PITPNC1: variants seen among roughly 807,000 people sequenced by gnomAD.
The protein encoded by PITPNC1 is phosphatidylinositol transfer protein cytoplasmic 1.
A neutral mutation model predicts 44.7 loss-of-function variants in PITPNC1; 18 were observed. The ratio of observed to expected loss-of-function variants is 0.40; its 90% CI spans 0.28 to 0.60. The LOEUF is 0.60. Among genes scored for constraint, PITPNC1 ranks in the 20% least tolerant of loss-of-function variants. The probability of loss-of-function intolerance (pLI) is 0.39; values close to 1 mark genes in which losing one functional copy is unlikely to be tolerated. For missense variants in PITPNC1, 290 were observed against 418.4 expected (o/e 0.69, Z 2.68); for synonymous variants, 141 against 149.6 (o/e 0.94, Z 0.42).
At chr17:67,598,285 CAG>C (rs2041485982) in intron 5 of PITPNC1, among the ~76,000 whole-genome samples, 1 of 152,146 alleles carries the variant, frequency 6.6e-6, no homozygotes, top group South Asian at 2.1e-4. Flanking sequence ...ATTAGGAAGA[CAG>C]AGAGAGATTG....
chr17:67,638,793 T>C (rs921953256), intron 6 of PITPNC1: 1 of 151,940 alleles, frequency 6.6e-6, no homozygotes, highest in Non-Finnish European at 1.5e-5. Context: ...ATCCAGTCGG[T>C]AGAGGTCAGG....
chr17:67,399,381 T>C (rs1298595862), intron 1 of PITPNC1, among the ~76,000 whole-genome samples: 1 of 152,198 alleles, frequency 6.6e-6, no homozygotes, highest in African/African-American at 2.4e-5. Flanking sequence ...ACTAGCTTCA[T>C]CTTCAAGGCT....
At chr17:67,645,343 G>GAAA (rs57827214) in intron 6 of PITPNC1, among the ~76,000 whole-genome samples, 17 of 81,288 alleles carry the variant, frequency 2.1e-4, no homozygotes, top group African/African-American at 3.2e-4. Context: ...CTCCATCTCA[G>GAAA]AAAAAAAAAA....
chr17:67,385,952 G>A (rs1252389414), intron 1 of PITPNC1, among the ~76,000 whole-genome samples: 1 of 152,122 alleles, frequency 6.6e-6, no homozygotes, highest in Non-Finnish European at 1.5e-5. Context: ...CAGGGATCAG[G>A]GAAGCAAACT....
At chr17:67,452,830 C>T (rs1180549658) in intron 1 of PITPNC1, among the ~76,000 whole-genome samples, 2 of 152,170 alleles carry the variant, frequency 1.3e-5, no homozygotes, top group Non-Finnish European at 2.9e-5. Flanking sequence ...AAAGAAATTG[C>T]CAGGCTGTTT....
chr17:67,534,402 C>G (rs1379832455), intron 2 of PITPNC1, among the ~76,000 whole-genome samples: 1 of 152,004 alleles, frequency 6.6e-6, no homozygotes, highest in Non-Finnish European at 1.5e-5. Flanking sequence ...CTTTGGGAGG[C>G]TGAAGGTGGT....
chr17:67,527,023 C>A (rs1430196269), intron 1 of PITPNC1, among the ~76,000 whole-genome samples: 2 of 151,982 alleles, frequency 1.3e-5, no homozygotes, highest in Non-Finnish European at 2.9e-5. Flanking sequence ...TGATGATTAC[C>A]CAAACTCTGG....
intron 1 of PITPNC1, among the ~76,000 whole-genome samples, chr17:67,381,055 C>T (rs1416628939): frequency 1.3e-5 from 2 of 152,086 alleles, no homozygotes; most frequent in African/African-American, 2.4e-5. Context: ...TTGCCGGGTG[C>T]GGTGGCTCAC....
At chr17:67,431,063 T>TTTC (rs1345170163) in intron 1 of PITPNC1, among the ~76,000 whole-genome samples, 3 of 17,042 alleles carry the variant, frequency 1.8e-4, no homozygotes, top group African/African-American at 6.1e-4. Flanking sequence ...TTACTGTTTC[T>TTTC]TTTTTTTTTT....
At chr17:67,647,116 G>A (rs559273423) in intron 6 of PITPNC1, among the ~76,000 whole-genome samples, 2 of 152,108 alleles carry the variant, frequency 1.3e-5, no homozygotes, top group Middle Eastern at 3.4e-3. Flanking sequence ...GAAAAAGAAG[G>A]GCCTTTGAGA....
intron 5 of PITPNC1, among the ~76,000 whole-genome samples, chr17:67,605,757 C>T (rs1335314194): frequency 6.6e-6 from 1 of 152,162 alleles, no homozygotes; most frequent in African/African-American, 2.4e-5. Context: ...CCACCTGCGC[C>T]GTTATCAGGA....
intron 1 of PITPNC1, among the ~76,000 whole-genome samples, chr17:67,488,279 C>T (rs898500624): frequency 1.3e-5 from 2 of 152,204 alleles, no homozygotes; most frequent in East Asian, 3.8e-4. Flanking sequence ...TCATCCTAGG[C>T]GTGGAGCGCT....
At chr17:67,511,221 G>A (rs1162347515) in intron 1 of PITPNC1, among the ~76,000 whole-genome samples, 1 of 152,086 alleles carries the variant, frequency 6.6e-6, no homozygotes. Context: ...TTGTTTGGAT[G>A]TACCATGATT....
intron 1 of PITPNC1, among the ~76,000 whole-genome samples, chr17:67,496,363 A>T (rs1337538418): frequency 1.3e-5 from 2 of 152,228 alleles, no homozygotes; most frequent in African/African-American, 4.8e-5. Flanking sequence ...TCTTCTAACT[A>T]CATTATCCAA....
At chr17:67,661,590 C>A (rs563747911) in intron 6 of PITPNC1, among the ~76,000 whole-genome samples, 25 of 152,130 alleles carry the variant, frequency 1.6e-4, no homozygotes, top group Non-Finnish European at 3.2e-4. Flanking sequence ...TCTGTGACCA[C>A]ACATGCCCCT....
At chr17:67,509,238 T>C (rs1460660670) in intron 1 of PITPNC1, among the ~76,000 whole-genome samples, 1 of 150,114 alleles carries the variant, frequency 6.7e-6, no homozygotes, top group African/African-American at 2.5e-5. Context: ...CGTCTCAAAA[T>C]AAATAAATAA....
intron 4 of PITPNC1, among the ~76,000 whole-genome samples, chr17:67,554,082 C>T (rs979014445): frequency 2.0e-5 from 3 of 151,976 alleles, no homozygotes; most frequent in African/African-American, 4.8e-5. Context: ...GTTGGGCAGT[C>T]GCTGTGGCTT....
At position 67,553,607 on chromosome 17, in the gene PITPNC1, C is replaced by T; in HGVS notation, c.287-3C>T. 1 of 1,223,900 alleles carries T rather than the reference C, an allele frequency of 8.2e-7. No homozygotes were observed. 75.8% of individuals were successfully genotyped at this position (1,223,900 alleles called of 1,614,324 possible). ...TCTTCTTCAAATGAACATGTGGAAA[C>T]AGAATACACAGTAAGTTCCATTTAA... On this transcript the variant is annotated splice_region_variant and splice_polypyrimidine_tract_variant and intron_variant, in intron 3 of 8. Coordinates refer to ENST00000581322, the MANE Select transcript of PITPNC1 (RefSeq NM_012417.4).
chr17:67,457,316 T>C (rs2039269200), intron 1 of PITPNC1: 7 of 152,252 alleles, frequency 4.6e-5, no homozygotes. Context: ...TACTGAGAAG[T>C]CTTCTGTCTG....
Sources: allele counts gnomAD v4.1 joint callset (sites outside exome capture counted in the v4.1 genomes callset), GRCh38; gene constraint gnomAD v4.1.1; transcripts MANE v1.5; gene names NCBI Gene and HGNC (gene_info 2026-07-23, HGNC 2026-07-21).